Variants in ALLC observed in about 807,000 individuals in gnomAD.
ALLC encodes probable inactive allantoicase.
Under a neutral mutation model 45.0 loss-of-function variants are expected in ALLC, and 40 were observed. The observed-to-expected ratio is 0.89, with a 90% CI of 0.69 to 1.16. The LOEUF is 1.16. ALLC is among the 50% of genes most tolerant of loss of function. The pLI is 0.00. For synonymous variants in ALLC, 176 were observed against 178.1 expected, an observed-to-expected ratio of 0.99 and a Z score of 0.09; for missense variants, 488 against 493.1, an observed-to-expected ratio of 0.99 and a Z score of 0.10.
At chr2:3,651,214 G>A in the ALLC span, among the ~76,000 whole-genome samples, 1 of 151,846 alleles carries the variant, frequency 6.6e-6, no homozygotes, top group Non-Finnish European at 1.5e-5. Flanking sequence ...AGAGGACGAG[G>A]ACGGCGGCGC....
chr2:3,678,259 A>G (rs1025190680), intron 3 of ALLC, among the ~76,000 whole-genome samples: 2 of 152,218 alleles, frequency 1.3e-5, no homozygotes, highest in African/African-American at 4.8e-5. Flanking sequence ...GAGGCCCACA[A>G]AGAAGTCACA....
intron 2 of ALLC, among the ~76,000 whole-genome samples, chr2:3,673,870 G>A (rs1247221448): frequency 6.6e-6 from 1 of 152,222 alleles, no homozygotes; most frequent in South Asian, 2.1e-4. Flanking sequence ...CGGAAAAAAG[G>A]GTGGGAAGAG....
At chr2:3,690,187 T>G (rs1405044855) in intron 7 of ALLC, among the ~76,000 whole-genome samples, 1 of 144,890 alleles carries the variant, frequency 6.9e-6, no homozygotes, top group African/African-American at 2.5e-5. Context: ...TCCATTTACA[T>G]TCAGTATTGT....
At chr2:3,698,754 T>TTTTA (rs921474015) in intron 10 of ALLC, among the ~76,000 whole-genome samples, 10 of 151,918 alleles carry the variant, frequency 6.6e-5, no homozygotes, top group African/African-American at 1.2e-4. Context: ...TGGTTTTTAT[T>TTTTA]TTTATTTATT....
chr2:3,662,389 C>T (rs1666597687), intron 1 of ALLC, among the ~76,000 whole-genome samples: 1 of 152,182 alleles, frequency 6.6e-6, no homozygotes, highest in African/African-American at 2.4e-5. Flanking sequence ...GCAGGCAGTT[C>T]TTTGTAATTA....
intron 9 of ALLC, among the ~76,000 whole-genome samples, chr2:3,696,615 G>A (rs1667680373): frequency 6.6e-6 from 1 of 152,182 alleles, no homozygotes; most frequent in Admixed American, 6.5e-5. Context: ...AACAAAAGGA[G>A]CTGCGATTTA....
chr2:3,648,873 T>G, the ALLC span, among the ~76,000 whole-genome samples: 1 of 152,162 alleles, frequency 6.6e-6, no homozygotes, highest in African/African-American at 2.4e-5. Flanking sequence ...AGTTTCCTCA[T>G]TGGTGGAGTG....
intron 7 of ALLC, among the ~76,000 whole-genome samples, chr2:3,691,253 A>C (rs1264984393): frequency 2.0e-5 from 3 of 147,164 alleles, no homozygotes; most frequent in Admixed American, 6.7e-5. Context: ...TTTATCCTTG[A>C]CTTTTTTTTT....
chr2:3,675,937 G>A (rs1243512581), intron 3 of ALLC, among the ~76,000 whole-genome samples: 1 of 152,206 alleles, frequency 6.6e-6, no homozygotes, highest in Non-Finnish European at 1.5e-5. Context: ...TCTGGTGAGG[G>A]CCCTCTTGGG....
At chr2:3,670,934 C>T (rs555246869) in intron 1 of ALLC, among the ~76,000 whole-genome samples, 162 bp from the exon 2 acceptor site, 13 of 151,350 alleles carry the variant, frequency 8.6e-5, no homozygotes, top group African/African-American at 3.2e-4. Flanking sequence ...TTTAGTTCAA[C>T]CTCATTGAGC....
In ALLC at chr2:3,702,584, CG is replaced by C; in HGVS notation, c.*23del. ...CTTAACACACACAAAGCCCCGGTGT[CG>C]GACACACAGCAGTAATTTCCCAGTC... On this transcript the variant is annotated 3_prime_UTR_variant, in exon 12 of 12. Coordinates refer to ENST00000252505, the MANE Select transcript of ALLC (RefSeq NM_018436.4). 1 of 1,516,494 alleles carries C rather than the reference CG, an allele frequency of 6.6e-7. No individual in the cohort carries two copies. Among genetic ancestry groups the C allele is most frequent in the Non-Finnish European group, 8.8e-7 (1 of 1,133,090 alleles). The allele number at this position is 1,516,494 out of a possible 1,614,324, so 93.9% of individuals were successfully genotyped here.
chr2:3,666,531 C>G lies in ALLC; in HGVS notation c.-62-4565C>G, dbSNP rs375891169. ...CACGCTGCAGCCTCAGCATCTACAC[C>G]CTTCGACCCACAGCCTCCCTGTGTG... On this transcript the variant is annotated intron_variant, in intron 1 of 11. Coordinates refer to ENST00000252505, the MANE Select transcript of ALLC (RefSeq NM_018436.4). Among the ~76,000 whole-genome samples, 7 of 152,326 alleles carry G rather than the reference C, an allele frequency of 4.6e-5. No individual in the cohort carries two copies. The East Asian group carries it at 7.7e-4, about 17-fold the overall frequency.
At chr2:3,697,209 C>A in intron 9 of ALLC, 139 bp from the exon 10 acceptor site, 1 of 575,502 alleles carries the variant, frequency 1.7e-6, no homozygotes, top group Admixed American at 3.2e-5. Flanking sequence ...AAGTGATTTA[C>A]ACATCAGGCC....
At chr2:3,648,418 T>G in the ALLC span, among the ~76,000 whole-genome samples, 1 of 152,114 alleles carries the variant, frequency 6.6e-6, no homozygotes, top group Non-Finnish European at 1.5e-5. Flanking sequence ...GGGTGTCAGC[T>G]CTGTGCATGT....
chr2:3,671,338 T>C, intron 2 of ALLC, 148 bp downstream of exon 2: 1 of 869,890 alleles, frequency 1.1e-6, no homozygotes, highest in Admixed American at 2.4e-5. Flanking sequence ...GAGAAAGACT[T>C]CCAAAGAATT....
rs557990710 is a variant in ALLC at position 3,660,633 on chromosome 2, C to CG, written c.-63+2343dup. On this transcript the variant is annotated intron_variant, in intron 1 of 11. Transcript: ENST00000252505. ...GCGCACACCTGGACAAGGGAGGGGA[C>CG]GGGGTTCTTATTCCTGACGCACGTG... Among the ~76,000 whole-genome samples the CG allele has an allele frequency of 4.7e-5, 7 of 150,494 alleles. No homozygotes were observed. In the South Asian group the frequency reaches 1.5e-3, roughly 31 times the overall value.
chr2:3,673,606 T>C (rs115776563), intron 2 of ALLC, among the ~76,000 whole-genome samples: 3,231 of 152,314 alleles, frequency 0.021, 101 homozygotes, highest in African/African-American at 0.075. Flanking sequence ...ATTAGTATCA[T>C]TGACCTCACT....
At chr2:3,668,266 G>A (rs527702425) in intron 1 of ALLC, among the ~76,000 whole-genome samples, 3 of 152,144 alleles carry the variant, frequency 2.0e-5, no homozygotes, top group Non-Finnish European at 4.4e-5. Flanking sequence ...GCTGTGTGGG[G>A]AAGAGCATTC....
chr2:3,678,494 T>G lies in ALLC; in HGVS notation c.111T>G (p.His37Gln), dbSNP rs922017484. 6.2e-7 allele frequency: 1 copy of G among 1,613,996 alleles called. No homozygotes were observed. The highest frequency in any genetic ancestry group is 1.3e-5 in the African/African-American group (1 of 75,042). Reference sequence around the variant, plus strand: ...GTGACAGCCCGTGCTTCAAAGAGCATGAATATACGGAGTTTGGGAAATGGA... The same window carrying G: ...GTGACAGCCCGTGCTTCAAAGAGCAGGAATATACGGAGTTTGGGAAATGGA... ...IKSDSPCFKE[H>Q]EYTEFGKWMD... The change falls in exon 4 of 12, where the codon CAT becomes CAG. Residue 37 changes from histidine (H) to glutamine (Q), a missense_variant. Transcript: ENST00000252505.
Sources: gnomAD v4.1 joint callset for allele counts (sites outside exome capture counted in the v4.1 genomes callset) on GRCh38, gnomAD v4.1.1 for gene constraint, MANE v1.5 for transcripts, NCBI Gene and HGNC (gene_info 2026-07-23, HGNC 2026-07-21) for gene names.